Variants in FGF14 observed in about 807,000 individuals in gnomAD.
FGF14 encodes the protein fibroblast growth factor homologous factor 4.
In FGF14, 5 loss-of-function variants were observed where a neutral mutation model predicts 25.5. The ratio of observed to expected loss-of-function variants is 0.20; its 90% confidence interval spans 0.10 to 0.41. FGF14 has a LOEUF of 0.41. Ranked by LOEUF, FGF14 falls within the 10% of genes least tolerant of loss-of-function variation. FGF14 has a pLI of 1.00. For synonymous variants in FGF14, 138 were observed against 118.3 expected, an observed-to-expected ratio of 1.17 and a Z score of -1.08; for missense variants, 222 against 320.1, an observed-to-expected ratio of 0.69 and a Z score of 2.34.
intron 1 of FGF14, among the ~76,000 whole-genome samples, chr13:102,141,346 T>C (rs1255147349): frequency 6.6e-6 from 1 of 152,184 alleles, no homozygotes; most frequent in Non-Finnish European, 1.5e-5. Context: ...GCCTTTTCTA[T>C]GAGGGTCAGT....
intron 1 of FGF14, among the ~76,000 whole-genome samples, chr13:102,301,947 CCAT>C (rs2055086149): frequency 6.6e-6 from 1 of 151,862 alleles, no homozygotes; most frequent in Non-Finnish European, 1.5e-5. Flanking sequence ...ATGCCCACCA[CCAT>C]ATCTGACAGC....
At chr13:102,345,377 A>G (rs564854327) in intron 1 of FGF14, among the ~76,000 whole-genome samples, 17 of 152,308 alleles carry the variant, frequency 1.1e-4, no homozygotes, top group African/African-American at 4.1e-4. Flanking sequence ...ACATGGCACT[A>G]CTTTGGCATG....
intron 3 of FGF14, among the ~76,000 whole-genome samples, chr13:101,825,378 G>A (rs2140256025): frequency 6.6e-6 from 1 of 152,228 alleles, no homozygotes; most frequent in South Asian, 2.1e-4. Flanking sequence ...GAAATGGTTT[G>A]TTTCTTCCTA....
intron 1 of FGF14, among the ~76,000 whole-genome samples, chr13:101,926,487 T>C (rs1010067011): frequency 6.6e-6 from 1 of 152,188 alleles, no homozygotes; most frequent in African/African-American, 2.4e-5. Flanking sequence ...ACTTTAATTA[T>C]TGCATCGCTC....
chr13:101,904,474 C>T (rs1017512130), intron 1 of FGF14, among the ~76,000 whole-genome samples: 7 of 152,114 alleles, frequency 4.6e-5, no homozygotes, highest in African/African-American at 1.4e-4. Flanking sequence ...ATTATGATGA[C>T]ACCAGTTATT....
intron 1 of FGF14, among the ~76,000 whole-genome samples, chr13:102,009,597 C>T (rs1409816571): frequency 1.3e-5 from 2 of 151,988 alleles, no homozygotes; most frequent in East Asian, 3.9e-4. Flanking sequence ...AAAGTCTACA[C>T]CAATTTAAAC....
At chr13:102,343,189 G>T (rs1344620042) in intron 1 of FGF14, among the ~76,000 whole-genome samples, 1 of 152,108 alleles carries the variant, frequency 6.6e-6, no homozygotes, top group Non-Finnish European at 1.5e-5. Flanking sequence ...GAAGGGTAAT[G>T]ACCACGCAGA....
At chr13:102,346,548 G>A (rs1023931774) in intron 1 of FGF14, among the ~76,000 whole-genome samples, 10 of 151,898 alleles carry the variant, frequency 6.6e-5, no homozygotes, top group Non-Finnish European at 1.2e-4. Flanking sequence ...ATATGGCAGC[G>A]TACAGAGCCA....
Position 102,113,216 on chromosome 13 carries a change from A to G in FGF14, c.209-237920T>C, listed in dbSNP as rs536198898. ...AAACTGAATTGGATTTGCTGGTATA[A>G]CAGTTAAAAGATCAGAATCAGTTTG... On this transcript the variant is annotated intron_variant, in intron 1 of 4. Coordinates refer to the FGF14 transcript ENST00000376131. 3.5e-4 allele frequency among the ~76,000 whole-genome samples: 53 copies of G among 152,366 alleles called. No homozygotes were observed. The Middle Eastern group carries it at 0.024, about 68-fold the overall frequency.
intron 1 of FGF14, among the ~76,000 whole-genome samples, chr13:102,048,668 G>C (rs1426599723): frequency 1.3e-5 from 2 of 152,164 alleles, no homozygotes; most frequent in Admixed American, 1.3e-4. Context: ...ACCTGTGTGA[G>C]AAGGAGCAGG....
intron 3 of FGF14, among the ~76,000 whole-genome samples, chr13:101,821,073 C>G (rs1367655901): frequency 2.0e-5 from 3 of 148,636 alleles, no homozygotes; most frequent in Admixed American, 1.3e-4. Context: ...CTCAGCCTCC[C>G]AAGTAGCTGG....
At chr13:101,827,198 A>G (rs1004074978) in intron 3 of FGF14, among the ~76,000 whole-genome samples, 4 of 152,028 alleles carry the variant, frequency 2.6e-5, no homozygotes, top group African/African-American at 4.8e-5. Flanking sequence ...ATAATTTTAA[A>G]ATGGATTTTG....
At chr13:102,369,822 T>A (rs2057822896) in intron 1 of FGF14, among the ~76,000 whole-genome samples, 1 of 152,334 alleles carries the variant, frequency 6.6e-6, no homozygotes, top group Non-Finnish European at 1.5e-5. Flanking sequence ...GTGATACATT[T>A]CTTGGAACAA....
intron 3 of FGF14, among the ~76,000 whole-genome samples, chr13:101,735,263 A>T (rs988811137): frequency 2.0e-5 from 3 of 152,232 alleles, no homozygotes; most frequent in Admixed American, 6.5e-5. Flanking sequence ...GTTGTTCATT[A>T]TACAGTTGAT....
rs1206299699 is a variant in FGF14 at position 102,314,738 on chromosome 13, T to C, written c.208+86733A>G. The stretch of plus-strand genomic sequence containing the variant: ...TGTTTTTATTCTGAAAGTTAATTTC[T>C]GCTATCAGGAAAAAAAGTCGTCTTG... On this transcript the variant is annotated intron_variant, in intron 1 of 4. Coordinates refer to the FGF14 transcript ENST00000376131. Among the ~76,000 whole-genome samples, 5 of 152,150 alleles carry C rather than the reference T, an allele frequency of 3.3e-5. No individual in the cohort carries two copies. The East Asian group carries it at 9.6e-4, about 29-fold the overall frequency.
chr13:101,961,917 C>G (rs2476214), intron 1 of FGF14, among the ~76,000 whole-genome samples: 3 of 152,056 alleles, frequency 2.0e-5, no homozygotes, highest in Non-Finnish European at 2.9e-5. Flanking sequence ...CTAATACAGT[C>G]TATGTATCTG....
intron 1 of FGF14, among the ~76,000 whole-genome samples, chr13:102,051,377 A>G (rs1595113830): frequency 6.6e-6 from 1 of 152,190 alleles, no homozygotes; most frequent in East Asian, 1.9e-4. Flanking sequence ...ACTTTCCCGG[A>G]TCCCAGAGCC....
At chr13:101,984,581 T>G (rs144511228) in intron 1 of FGF14, among the ~76,000 whole-genome samples, 3,025 of 152,282 alleles carry the variant, frequency 0.02, 48 homozygotes, top group Non-Finnish European at 0.032. Context: ...TGTTCAATTC[T>G]ACATTATTAC....
chr13:102,346,114 A>C (rs2057097977), intron 1 of FGF14, among the ~76,000 whole-genome samples: 1 of 152,172 alleles, frequency 6.6e-6, no homozygotes, highest in Admixed American at 6.5e-5. Flanking sequence ...AAATTATCCC[A>C]AATCCTGAAG....
Sources: allele counts gnomAD v4.1 joint callset (sites outside exome capture counted in the v4.1 genomes callset), GRCh38; gene constraint gnomAD v4.1.1; transcripts MANE v1.5; gene names NCBI Gene and HGNC (gene_info 2026-07-23, HGNC 2026-07-21).